Variants in ASTN1 observed in about 807,000 individuals in gnomAD.
ASTN1 encodes astrotactin-1.
In ASTN1, 41 loss-of-function variants were observed where a neutral mutation model predicts 140.7. The ratio of observed to expected loss-of-function variants is 0.29; its 90% CI spans 0.23 to 0.38. The LOEUF is 0.38. ASTN1 is among the 10% of genes least tolerant of loss of function. The probability of loss-of-function intolerance (pLI) is 1.00; values close to 1 mark genes in which losing one functional copy is unlikely to be tolerated. For missense variants in ASTN1, 1,479 were observed against 1,678.8 expected (o/e 0.88, Z 2.08); for synonymous variants, 640 against 652.2 (o/e 0.98, Z 0.29).
Position 176,928,522 on chromosome 1 carries a change from G to A in ASTN1, c.2671+5630C>T, listed in dbSNP as rs78600046. Among the ~76,000 whole-genome samples the A allele has an allele frequency of 7.0e-3, 1,070 of 152,316 alleles. 15 individuals are homozygous for A. Among genetic ancestry groups the A allele is most frequent in the African/African-American group, 0.024 (1,004 of 41,568 alleles). On this transcript the variant is annotated intron_variant, in intron 16 of 22. Transcript: ENST00000361833. ...GTGAGAGCATAAAATAGGCAGCAGA[G>A]AACCCTGTCTGAGTGTCAGGGGAGG...
intron 8 of ASTN1, among the ~76,000 whole-genome samples, chr1:176,975,333 C>T (rs1257232726): frequency 6.6e-6 from 1 of 152,168 alleles, no homozygotes; most frequent in Non-Finnish European, 1.5e-5. Context: ...CATTAGTAGC[C>T]CAAGGTCACA....
At chr1:177,147,986 A>G (rs1682792400) in intron 1 of ASTN1, among the ~76,000 whole-genome samples, 1 of 152,200 alleles carries the variant, frequency 6.6e-6, no homozygotes, top group African/African-American at 2.4e-5. Flanking sequence ...GCTCACACCC[A>G]GAGATCAAAG....
chr1:177,077,970 G>A (rs533077138), intron 1 of ASTN1, among the ~76,000 whole-genome samples: 6 of 152,228 alleles, frequency 3.9e-5, no homozygotes, highest in South Asian at 2.1e-4. Flanking sequence ...ATAAATAAGT[G>A]GAAGCAGAGC....
At chr1:176,873,632 T>G (rs1668441743) in intron 21 of ASTN1, among the ~76,000 whole-genome samples, 1 of 152,186 alleles carries the variant, frequency 6.6e-6, no homozygotes, top group South Asian at 2.1e-4. Context: ...GCATATGGTA[T>G]TTTGGTAGAA....
chr1:176,862,098 T>C lies in ASTN1; in HGVS notation c.*2186A>G. On this transcript the variant is annotated 3_prime_UTR_variant, in exon 23 of 23. Transcript: ENST00000361833. Reference sequence around the variant, plus strand: ...AGAGATGCTCTGGGCCCTGTCTGATTGGCCTGTCACATCTTCTCTGGCAAT... The same window carrying C: ...AGAGATGCTCTGGGCCCTGTCTGATCGGCCTGTCACATCTTCTCTGGCAAT... The C allele has an allele frequency of 2.0e-6, 2 of 985,470 alleles. No homozygotes were observed. Among genetic ancestry groups the C allele is most frequent in the South Asian group, 9.4e-5 (2 of 21,286 alleles). The allele number at this position is 985,470 out of a possible 1,614,324, so 61.0% of individuals were successfully genotyped here.
At chr1:177,127,775 C>G (rs1681728400) in intron 1 of ASTN1, among the ~76,000 whole-genome samples, 2 of 152,214 alleles carry the variant, frequency 1.3e-5, no homozygotes, top group Admixed American at 1.3e-4. Flanking sequence ...TCTTTCTAAA[C>G]TGTTGGATGG....
chr1:177,019,828 T>C (rs1029225812), intron 7 of ASTN1, among the ~76,000 whole-genome samples: 5 of 152,226 alleles, frequency 3.3e-5, no homozygotes, highest in African/African-American at 1.2e-4. Flanking sequence ...ACAAGGAGGA[T>C]ATAAAGAGGG....
chr1:176,929,333 GGA>G (rs1671105426), intron 16 of ASTN1, among the ~76,000 whole-genome samples: 1 of 152,214 alleles, frequency 6.6e-6, no homozygotes, highest in African/African-American at 2.4e-5. Flanking sequence ...GGATGCAGGA[GGA>G]GTCAAAGTCA....
chr1:176,909,218 C>T (rs967989056), intron 16 of ASTN1, among the ~76,000 whole-genome samples: 6 of 152,290 alleles, frequency 3.9e-5, no homozygotes, highest in Admixed American at 3.3e-4. Context: ...CCCCGACAGC[C>T]TCACAGGTTG....
intron 1 of ASTN1, among the ~76,000 whole-genome samples, chr1:177,150,538 T>C (rs994818103): frequency 5.3e-5 from 8 of 151,962 alleles, no homozygotes; most frequent in African/African-American, 1.5e-4. Flanking sequence ...ATGGAGAAAA[T>C]AAAAGTGGCA....
chr1:177,013,497 C>T (rs1245221564), intron 8 of ASTN1, among the ~76,000 whole-genome samples: 1 of 152,106 alleles, frequency 6.6e-6, no homozygotes, highest in East Asian at 1.9e-4. Context: ...ATTTTTATTG[C>T]TCTTCTCCAA....
intron 5 of ASTN1, among the ~76,000 whole-genome samples, chr1:177,027,862 G>C (rs1676208837): frequency 6.6e-6 from 1 of 151,536 alleles, no homozygotes. Context: ...TCTCTTCTGA[G>C]TACTCTCTTC....
At chr1:176,941,962 T>C (rs1412223268) in intron 14 of ASTN1, among the ~76,000 whole-genome samples, 1 of 152,164 alleles carries the variant, frequency 6.6e-6, no homozygotes, top group Non-Finnish European at 1.5e-5. Context: ...GCAAGTTAAT[T>C]TCTTCAGGTG....
At chr1:177,125,534 C>T (rs1681598820) in intron 1 of ASTN1, among the ~76,000 whole-genome samples, 1 of 152,114 alleles carries the variant, frequency 6.6e-6, no homozygotes, top group South Asian at 2.1e-4. Flanking sequence ...TCTGATGCAT[C>T]CTTCACAACC....
intron 1 of ASTN1, among the ~76,000 whole-genome samples, chr1:177,138,337 G>T (rs746476204): frequency 6.6e-6 from 1 of 152,112 alleles, no homozygotes; most frequent in Non-Finnish European, 1.5e-5. Flanking sequence ...CAATATAACT[G>T]CTGGTTGGGA....
intron 20 of ASTN1, among the ~76,000 whole-genome samples, chr1:176,878,096 G>C (rs1411150919): frequency 1.3e-5 from 2 of 152,014 alleles, no homozygotes; most frequent in Admixed American, 1.3e-4. Flanking sequence ...GCTGAATTAC[G>C]GGGGCCTCAC....
intron 1 of ASTN1, among the ~76,000 whole-genome samples, chr1:177,129,957 T>C (rs1681863733): frequency 6.6e-6 from 1 of 151,902 alleles, no homozygotes; most frequent in African/African-American, 2.4e-5. Flanking sequence ...ACAGCGAGAC[T>C]CCATCTCAAA....
intron 1 of ASTN1, among the ~76,000 whole-genome samples, chr1:177,141,221 A>G (rs978049776): frequency 4.6e-5 from 7 of 152,084 alleles, no homozygotes; most frequent in African/African-American, 1.2e-4. Context: ...CATCTCAAAA[A>G]CAAACAAACA....
Position 176,876,586 on chromosome 1 carries a change from G to T in ASTN1, c.3414C>A (p.Asp1138Glu), listed in dbSNP as rs754147184. 2 of 1,614,024 alleles carry T rather than the reference G, an allele frequency of 1.2e-6. No individual in the cohort carries two copies. Among genetic ancestry groups the T allele is most frequent in the Non-Finnish European group, 8.5e-7 (1 of 1,180,030 alleles). ...DNTGRRSRPS[D>E]VIVKTPCPVV... ...CGGGGCATGGGGTCTTCACGATCAC[G>T]TCGCTTGGCCTGGAGCGCCGTCCTG... Residue 1138 changes from aspartate (D) to glutamate (E), a missense_variant, in exon 21 of 23, where the codon GAC becomes GAA. Around this residue, in one of 3 missense-constraint regions of ASTN1, gnomAD observed 746 missense variants for 800.9 expected, o/e 0.93. Coordinates refer to ENST00000361833, the MANE Select transcript of ASTN1 (RefSeq NM_004319.3).
Sources: gnomAD v4.1 joint callset for allele counts (sites outside exome capture counted in the v4.1 genomes callset) on GRCh38, gnomAD v4.1.1 for gene constraint, gnomAD v4.1.1 regional missense constraint, MANE v1.5 for transcripts, NCBI Gene and HGNC (gene_info 2026-07-23, HGNC 2026-07-21) for gene names.